Variants in RAD18 observed in about 807,000 individuals in gnomAD.
RAD18 encodes the protein RAD18 E3 ubiquitin protein ligase.
A neutral mutation model predicts 60.4 loss-of-function variants in RAD18; 47 were observed. The ratio of observed to expected loss-of-function variants is 0.78; its 90% confidence interval spans 0.62 to 0.99. The LOEUF (loss-of-function observed/expected upper bound fraction) is 0.99, where lower values mean the gene tolerates loss of function less well. Ranked by LOEUF, RAD18 falls within the 50% of genes least tolerant of loss-of-function variation. The probability of loss-of-function intolerance (pLI) is 0.00; values close to 1 mark genes in which losing one functional copy is unlikely to be tolerated. For synonymous variants in RAD18, 225 were observed against 195.5 expected (o/e 1.15, Z -1.26); for missense variants, 640 against 593.3 (o/e 1.08, Z -0.82).
intron 12 of RAD18, among the ~76,000 whole-genome samples, chr3:8,882,424 C>A (rs144507044): frequency 1.3e-5 from 2 of 152,114 alleles, no homozygotes; most frequent in Non-Finnish European, 2.9e-5. Flanking sequence ...ACTGACACCA[C>A]GCAGAGGTTT....
Position 8,958,997 on chromosome 3 carries a change from A to C in RAD18, c.56T>G (p.Ile19Arg). The C allele has an allele frequency of 1.9e-6, 3 of 1,613,260 alleles. No individual in the cohort carries two copies. In the South Asian group the frequency reaches 3.3e-5, roughly 18 times the overall value. Residue 19 changes from isoleucine (I) to arginine (R), a missense_variant, in exon 2 of 13, where the codon ATA becomes AGA. Ile to Arg is a moderately conservative substitution (Grantham distance 97). Transcript: ENST00000264926. ...WPPGLAVMKT[I>R]DDLLRCGICF... ...AATTCCACACCGCAGCAAATCATCT[A>C]TTGTCTGAAATGCAAATATGCATAT... is the stretch of plus-strand genomic sequence containing the variant.
At chr3:8,960,315 A>C (rs1458551563) in intron 1 of RAD18, among the ~76,000 whole-genome samples, 1 of 152,218 alleles carries the variant, frequency 6.6e-6, no homozygotes, top group Non-Finnish European at 1.5e-5. Context: ...AAAAGAAAAA[A>C]AGGAAAAAAG....
intron 12 of RAD18, among the ~76,000 whole-genome samples, chr3:8,885,810 G>A (rs1939551240): frequency 6.6e-6 from 1 of 152,188 alleles, no homozygotes. Context: ...TTCATTCTGG[G>A]GTGGAGACTT....
At chr3:8,958,846 T>C (rs1180897488) in intron 2 of RAD18, 74 bp downstream of exon 2, 3 of 1,143,250 alleles carry the variant, frequency 2.6e-6, no homozygotes, top group African/African-American at 3.0e-5. Context: ...TGTGCACATA[T>C]CTTTGGTGTT....
chr3:8,946,083 TTATC>T (rs1209358636), intron 4 of RAD18, among the ~76,000 whole-genome samples: 1 of 152,256 alleles, frequency 6.6e-6, no homozygotes, highest in African/African-American at 2.4e-5. Flanking sequence ...TCACATTCAC[TTATC>T]ACTCACTCAT....
intron 2 of RAD18, among the ~76,000 whole-genome samples, chr3:8,954,627 T>G (rs1940979599): frequency 6.6e-6 from 1 of 152,164 alleles, no homozygotes; most frequent in Non-Finnish European, 1.5e-5. Flanking sequence ...CTCACACCTT[T>G]GTACCTGCAG....
rs1046337811 is a variant in RAD18 at position 8,957,345 on chromosome 3, A to T, written c.133+1575T>A. 2.6e-5 allele frequency among the ~76,000 whole-genome samples: 4 copies of T among 152,310 alleles called. No individual in the cohort carries two copies. In the East Asian group the frequency reaches 7.7e-4, roughly 29 times the overall value. On this transcript the variant is annotated intron_variant, in intron 2 of 12. Transcript: ENST00000264926. ...GATTTTAAGTTATACATGGAAATGC[A>T]TTTAAAATGCAACGATCCTAAAAAA...
rs752109702 is a variant in RAD18 at position 8,898,862 on chromosome 3, T to C, written c.1322+32A>G. On this transcript the variant is annotated intron_variant, in intron 11 of 12. Coordinates refer to ENST00000264926, the MANE Select transcript of RAD18 (RefSeq NM_020165.4). Reference sequence around the variant, plus strand: ...TCTACATGTGCATATGAAGTAGATATTTAAAATAATCAACTACTGCATGTT... The same window carrying C: ...TCTACATGTGCATATGAAGTAGATACTTAAAATAATCAACTACTGCATGTT... 4 of 1,491,710 alleles carry C rather than the reference T, an allele frequency of 2.7e-6. No individual in the cohort carries two copies. In the Admixed American group the frequency reaches 8.1e-5, roughly 30 times the overall value. The allele number at this position is 1,491,710 out of a possible 1,614,324, so 92.4% of individuals were successfully genotyped here.
intron 12 of RAD18, among the ~76,000 whole-genome samples, chr3:8,887,098 G>A (rs890271853): frequency 6.6e-6 from 1 of 152,204 alleles, no homozygotes; most frequent in Admixed American, 6.5e-5. Flanking sequence ...CAAAGGGATT[G>A]AGACAGTACA....
intron 5 of RAD18, 117 bp from the exon 6 acceptor site, chr3:8,939,770 T>C (rs1940716322): frequency 2.5e-6 from 2 of 801,812 alleles, no homozygotes; most frequent in South Asian, 4.0e-5. Context: ...AACATGCACT[T>C]AGAAAAGCAG....
intron 7 of RAD18, among the ~76,000 whole-genome samples, chr3:8,921,851 T>C (rs751480183): frequency 4.6e-5 from 7 of 152,314 alleles, no homozygotes; most frequent in Admixed American, 1.3e-4. Context: ...TCTTTTCCAT[T>C]TTTATTTAGT....
intron 9 of RAD18, among the ~76,000 whole-genome samples, chr3:8,906,081 T>C (rs1417588385): frequency 6.6e-6 from 1 of 152,172 alleles, no homozygotes; most frequent in African/African-American, 2.4e-5. Context: ...ATTATGAAAA[T>C]AACTCAGTAA....
chr3:8,928,050 A>T (rs1025011497), intron 7 of RAD18, among the ~76,000 whole-genome samples: 1 of 91,802 alleles, frequency 1.1e-5, no homozygotes, highest in Non-Finnish European at 1.8e-5. Context: ...CCTAAAACTT[A>T]AAAAAAAAAA....
At chr3:8,944,351 T>A (rs1940804806) in intron 4 of RAD18, among the ~76,000 whole-genome samples, 1 of 152,144 alleles carries the variant, frequency 6.6e-6, no homozygotes, top group South Asian at 2.1e-4. Flanking sequence ...ACTGGTAAAT[T>A]CTACCACATA....
At chr3:8,912,592 G>A (rs1940123131) in intron 8 of RAD18, 7 of 318,724 alleles carry the variant, frequency 2.2e-5, no homozygotes, top group Non-Finnish European at 4.0e-5. Context: ...AGTAGAAAAT[G>A]CAACATGATT....
At chr3:8,889,673 A>G (rs1939648362) in intron 12 of RAD18, among the ~76,000 whole-genome samples, 1 of 152,176 alleles carries the variant, frequency 6.6e-6, no homozygotes, top group Non-Finnish European at 1.5e-5. Context: ...TAAGACATCT[A>G]TATGATGAAG....
At position 8,959,016 on chromosome 3, in the gene RAD18, T is replaced by C. The variant is rs780154881; in HGVS notation, c.52-15A>G. 21 of 1,605,912 alleles carry C rather than the reference T, an allele frequency of 1.3e-5. No individual in the cohort carries two copies. The East Asian group carries it at 2.2e-4, about 17-fold the overall frequency. On this transcript the variant is annotated splice_polypyrimidine_tract_variant and intron_variant, in intron 1 of 12. Coordinates refer to ENST00000264926, the MANE Select transcript of RAD18 (RefSeq NM_020165.4). Reference sequence around the variant, plus strand: ...TCATCTATTGTCTGAAATGCAAATATGCATATATACATATCAGAAAGACAT... The same window carrying C: ...TCATCTATTGTCTGAAATGCAAATACGCATATATACATATCAGAAAGACAT...
chr3:8,948,553 T>C lies in RAD18; in HGVS notation c.151A>G (p.Arg51Gly), dbSNP rs202202824. ...CSHNYCSLCI[R>G]KFLSYKTQCP... ...TGAGTTTTATAGGACAGAAATTTTC[T>C]TATACAGAGAGAGCAGTCTGCAAAA... is the stretch of plus-strand genomic sequence containing the variant. The change falls in exon 3 of 13, where the codon AGA (arginine) becomes GGA (glycine). Residue 51 changes from arginine (R) to glycine (G), a missense_variant. Coordinates refer to ENST00000264926, the MANE Select transcript of RAD18 (RefSeq NM_020165.4). The C allele has an allele frequency of 9.3e-6, 15 of 1,612,504 alleles. No individual in the cohort carries two copies. Among genetic ancestry groups the C allele is most frequent in the Admixed American group, 1.7e-5 (1 of 59,934 alleles).
At chr3:8,944,227 C>T (rs1940803037) in intron 4 of RAD18, among the ~76,000 whole-genome samples, 1 of 152,088 alleles carries the variant, frequency 6.6e-6, no homozygotes, top group African/African-American at 2.4e-5. Context: ...AAGCACTATT[C>T]ATCAAAACTG....
Sources: gnomAD v4.1 joint callset for allele counts (sites outside exome capture counted in the v4.1 genomes callset) on GRCh38, gnomAD v4.1.1 for gene constraint, MANE v1.5 for transcripts, NCBI Gene and HGNC (gene_info 2026-07-23, HGNC 2026-07-21) for gene names.